Variants in TMEM38B observed in about 807,000 individuals in gnomAD.
TMEM38B encodes the protein trimeric intracellular cation channel type B.
TMEM38B carries 24 observed loss-of-function variants against 28.7 expected under a neutral mutation model. The observed-to-expected ratio is 0.84, with a 90% CI of 0.61 to 1.18. The LOEUF is 1.18. Among genes scored for constraint, TMEM38B ranks in the 50% most tolerant of loss-of-function variants. TMEM38B has a pLI of 0.00. For missense variants in TMEM38B, 380 were observed against 350.9 expected, an observed-to-expected ratio of 1.08 and a Z score of -0.66; for synonymous variants, 131 against 127.7, an observed-to-expected ratio of 1.03 and a Z score of -0.17.
intron 5 of TMEM38B, chr9:105,760,421 A>G (rs1564415497): frequency 2.7e-6 from 2 of 740,660 alleles, no homozygotes; most frequent in Non-Finnish European, 4.9e-6. Flanking sequence ...TACTTAAAAA[A>G]GGGACATATT....
chr9:105,727,764 G>C (rs1050730893), intron 4 of TMEM38B, among the ~76,000 whole-genome samples: 1 of 152,144 alleles, frequency 6.6e-6, no homozygotes, highest in African/African-American at 2.4e-5. Flanking sequence ...TGTTGGAGGT[G>C]GGGACTGGTG....
Position 105,758,972 on chromosome 9 carries a change from A to G in TMEM38B, c.660+10782A>G, listed in dbSNP as rs536504227. 1.9e-5 allele frequency: 24 copies of G among 1,293,048 alleles called. No homozygotes were observed. The South Asian group carries it at 2.6e-4, about 14-fold the overall frequency. The allele number at this position is 1,293,048 out of a possible 1,614,324, so 80.1% of individuals were successfully genotyped here. The stretch of plus-strand genomic sequence containing the variant: ...AAGAAGTCATAAATCCAAAACAAGT[A>G]ATTCCCCAATATATAATGTACAACA... On this transcript the variant is annotated intron_variant, in intron 5 of 5. Coordinates refer to ENST00000374692, the MANE Select transcript of TMEM38B (RefSeq NM_018112.3).
chr9:105,720,674 T>C (rs1237456983), intron 2 of TMEM38B, among the ~76,000 whole-genome samples: 2 of 152,140 alleles, frequency 1.3e-5, no homozygotes, highest in African/African-American at 4.8e-5. Context: ...ATAAGATTAA[T>C]AGCTTCTTTT....
chr9:105,742,875 G>A (rs568396424), intron 4 of TMEM38B, among the ~76,000 whole-genome samples: 1 of 152,238 alleles, frequency 6.6e-6, no homozygotes, highest in African/African-American at 2.4e-5. Context: ...TTATAATACA[G>A]TTACACATAT....
chr9:105,750,108 T>A (rs1459385420), intron 5 of TMEM38B, among the ~76,000 whole-genome samples: 11 of 152,216 alleles, frequency 7.2e-5, no homozygotes, highest in Non-Finnish European at 1.3e-4. Flanking sequence ...TCTGAGTATC[T>A]TTTTTGTGCT....
chr9:105,721,565 C>T lies in TMEM38B; in HGVS notation c.298C>T (p.Leu100=). Residue 100 remains leucine, a synonymous_variant, in exon 3 of 6, where the codon CTA becomes TTA. Transcript: ENST00000374692. ...TATTACATTTTTTTGCCCGCATGAC[C>T]TAGTTTCCCAGGGCTATTCATATCT... The part of the protein sequence containing the change: ...WYITFFCPHD[L]VSQGYSYLPV... The T allele has an allele frequency of 6.2e-7, 1 of 1,605,152 alleles. No homozygotes were observed. Among genetic ancestry groups the T allele is most frequent in the Admixed American group, 1.7e-5 (1 of 58,552 alleles).
chr9:105,738,925 G>A (rs772848097), intron 4 of TMEM38B, among the ~76,000 whole-genome samples: 27 of 151,930 alleles, frequency 1.8e-4, no homozygotes, highest in Middle Eastern at 3.4e-3. Context: ...GTCTTACTGC[G>A]TCACCCAGGC....
intron 5 of TMEM38B, among the ~76,000 whole-genome samples, chr9:105,761,834 A>G (rs1372681518): frequency 6.6e-6 from 1 of 152,206 alleles, no homozygotes; most frequent in African/African-American, 2.4e-5. Flanking sequence ...TATTCAGCCA[A>G]CTGTGAGAAT....
At chr9:105,735,876 AT>A (rs1564402001) in intron 4 of TMEM38B, among the ~76,000 whole-genome samples, 2 of 151,642 alleles carry the variant, frequency 1.3e-5, no homozygotes, top group African/African-American at 4.9e-5. Flanking sequence ...ATTAAAAAAA[AT>A]TTTTTTAGAG....
At chr9:105,753,521 T>TA (rs1837731470) in intron 5 of TMEM38B, among the ~76,000 whole-genome samples, 1 of 152,124 alleles carries the variant, frequency 6.6e-6, no homozygotes, top group East Asian at 1.9e-4. Context: ...TCAATATTCT[T>TA]AAAGAAAAGA....
At chr9:105,750,812 A>C (rs1347965735) in intron 5 of TMEM38B, among the ~76,000 whole-genome samples, 1 of 152,164 alleles carries the variant, frequency 6.6e-6, no homozygotes, top group Non-Finnish European at 1.5e-5. Flanking sequence ...TTTTGAGTTA[A>C]ATTTTGTGTA....
rs1837782215 is a variant in TMEM38B, at chr9:105,754,910, A to T, written c.660+6720A>T. 4.6e-5 allele frequency among the ~76,000 whole-genome samples: 7 copies of T among 152,312 alleles called. No homozygotes were observed. In the South Asian group the frequency reaches 1.4e-3, roughly 32 times the overall value. ...AGAAAAACAGAGAAGAATCAAATAAACACAATCAGAAATGATAACACTGAC... is the reference window on the plus strand; with the variant it reads ...AGAAAAACAGAGAAGAATCAAATAATCACAATCAGAAATGATAACACTGAC... On this transcript the variant is annotated intron_variant, in intron 5 of 5. Transcript: ENST00000374692.
At chr9:105,746,251 A>G (rs376976956) in intron 4 of TMEM38B, among the ~76,000 whole-genome samples, 16 of 151,908 alleles carry the variant, frequency 1.1e-4, no homozygotes, top group South Asian at 1.0e-3. Context: ...CTTTTATTTC[A>G]TTGAGCAGTG....
chr9:105,745,615 A>G (rs368000785), intron 4 of TMEM38B, among the ~76,000 whole-genome samples: 2 of 151,584 alleles, frequency 1.3e-5, no homozygotes, highest in South Asian at 2.1e-4. Context: ...GTCAATTTTG[A>G]CTTTTGTTGC....
chr9:105,733,421 CTT>C (rs71306454), intron 4 of TMEM38B, among the ~76,000 whole-genome samples: 10 of 127,814 alleles, frequency 7.8e-5, no homozygotes, highest in Admixed American at 1.6e-4. Flanking sequence ...TTTCTTTTTT[CTT>C]TTTTTTTTTT....
chr9:105,736,077 A>G (rs906254709), intron 4 of TMEM38B, among the ~76,000 whole-genome samples: 69 of 147,496 alleles, frequency 4.7e-4, no homozygotes, highest in African/African-American at 1.7e-3. Flanking sequence ...TTTGGTAGAG[A>G]TAGGATCTCA....
intron 5 of TMEM38B, among the ~76,000 whole-genome samples, chr9:105,757,338 A>G (rs1837869273): frequency 6.6e-6 from 1 of 152,024 alleles, no homozygotes. Flanking sequence ...CTGGTTCCAT[A>G]TTTTTGCAAT....
At chr9:105,731,662 T>G (rs1836754242) in intron 4 of TMEM38B, among the ~76,000 whole-genome samples, 1 of 152,206 alleles carries the variant, frequency 6.6e-6, no homozygotes. Flanking sequence ...CTGCATAGTA[T>G]TCCATGGTGT....
intron 4 of TMEM38B, among the ~76,000 whole-genome samples, chr9:105,742,081 C>T (rs1192388126): frequency 1.3e-5 from 2 of 151,978 alleles, no homozygotes; most frequent in African/African-American, 4.8e-5. Context: ...TCAGAAGAAA[C>T]ACTGCCAGCT....
Sources: allele counts gnomAD v4.1 joint callset (sites outside exome capture counted in the v4.1 genomes callset), GRCh38; gene constraint gnomAD v4.1.1; transcripts MANE v1.5; gene names NCBI Gene and HGNC (gene_info 2026-07-23, HGNC 2026-07-21).